Variants in ICA1 observed in about 807,000 individuals in gnomAD.
ICA1 encodes the protein islet cell autoantigen 1.
Under a neutral mutation model 71.0 loss-of-function variants are expected in ICA1, and 40 were observed. The observed-to-expected ratio is 0.56, with a 90% CI of 0.44 to 0.73. ICA1 has a LOEUF of 0.73. Among genes scored for constraint, ICA1 ranks in the 30% least tolerant of loss-of-function variants. ICA1 has a pLI of 0.00. For synonymous variants in ICA1, 207 were observed against 209.5 expected (o/e 0.99, Z 0.10); for missense variants, 578 against 576.5 (o/e 1.00, Z -0.03).
intron 6 of ICA1, among the ~76,000 whole-genome samples, chr7:8,206,319 G>A (rs1332828090): frequency 4.6e-5 from 7 of 151,952 alleles, no homozygotes; most frequent in Non-Finnish European, 1.0e-4. Context: ...GATGGCTTTC[G>A]AAAATGACTT....
intron 6 of ICA1, among the ~76,000 whole-genome samples, chr7:8,184,019 T>C (rs1020616191): frequency 1.1e-4 from 17 of 152,194 alleles, no homozygotes; most frequent in Non-Finnish European, 2.1e-4. Context: ...ATCACTAACA[T>C]AGAAAGTTAC....
Position 8,234,102 on chromosome 7 carries a change from G to C in ICA1, c.18-1347C>G, listed in dbSNP as rs1349053777. On this transcript the variant is annotated intron_variant, in intron 2 of 13. Coordinates refer to ENST00000402384, the MANE Select transcript of ICA1 (RefSeq NM_001136020.3). The surrounding 1 kb of genome is among the most constrained non-coding windows in gnomAD (Gnocchi z 4.5). Reference sequence around the variant, plus strand: ...TGGTGGCACAGGCCTATGACACAAAGCTACTCAGCAGACTGAAGTGGGTGG... The same window carrying C: ...TGGTGGCACAGGCCTATGACACAAACCTACTCAGCAGACTGAAGTGGGTGG... 6.6e-6 allele frequency among the ~76,000 whole-genome samples: 1 copy of C among 152,126 alleles called. No individual in the cohort carries two copies. Among genetic ancestry groups the C allele is most frequent in the Non-Finnish European group, 1.5e-5 (1 of 68,018 alleles).
chr7:8,172,054 A>G (rs971119485), intron 6 of ICA1, among the ~76,000 whole-genome samples: 1 of 152,050 alleles, frequency 6.6e-6, no homozygotes, highest in Admixed American at 6.5e-5. Context: ...TTTCATGTGC[A>G]CTTGAAAAGA....
chr7:8,198,318 T>A (rs1023398101), intron 6 of ICA1, among the ~76,000 whole-genome samples: 1 of 152,228 alleles, frequency 6.6e-6, no homozygotes, highest in Non-Finnish European at 1.5e-5. Flanking sequence ...GGAGACAATA[T>A]GAGCAAAGCA....
At chr7:8,227,230 TTTGA>T (rs1249567703) in intron 4 of ICA1, among the ~76,000 whole-genome samples, 1 of 152,122 alleles carries the variant, frequency 6.6e-6, no homozygotes, top group Admixed American at 6.5e-5. Flanking sequence ...AAAAGTGTAC[TTTGA>T]TTGAAAGCAG....
intron 6 of ICA1, among the ~76,000 whole-genome samples, chr7:8,184,335 C>T (rs1196610893): frequency 1.3e-5 from 2 of 152,150 alleles, no homozygotes; most frequent in African/African-American, 4.8e-5. Context: ...AAGAGGATTA[C>T]AGGAAGGGCA....
rs139634951 is a variant in ICA1, at chr7:8,251,328, G to A, written c.-80+10766C>T. On this transcript the variant is annotated intron_variant, in intron 1 of 13. Coordinates refer to ENST00000402384, the MANE Select transcript of ICA1 (RefSeq NM_001136020.3). The stretch of plus-strand genomic sequence containing the variant: ...CATTCCTAAAGTATGTATTTTGAAG[G>A]TTTCCCAATATGCTCCTTGATATAA... Among the ~76,000 whole-genome samples, 30 of 151,478 alleles carry A rather than the reference G, an allele frequency of 2.0e-4. No individual in the cohort carries two copies. The East Asian group carries it at 4.4e-3, about 22-fold the overall frequency.
At chr7:8,159,819 C>T (rs903066883) in intron 6 of ICA1, among the ~76,000 whole-genome samples, 1 of 152,086 alleles carries the variant, frequency 6.6e-6, no homozygotes, top group Non-Finnish European at 1.5e-5. Context: ...TAGAGAAAAC[C>T]AGCCAATTTT....
chr7:8,136,364 C>G (rs1270870099), intron 12 of ICA1, among the ~76,000 whole-genome samples: 1 of 152,170 alleles, frequency 6.6e-6, no homozygotes, highest in African/African-American at 2.4e-5. Context: ...TATTTCTTGA[C>G]TGTTTAATGT....
chr7:8,141,594 A>C (rs1219876192), intron 10 of ICA1, among the ~76,000 whole-genome samples, 171 bp downstream of exon 10: 1 of 152,218 alleles, frequency 6.6e-6, no homozygotes, highest in Admixed American at 6.5e-5. Context: ...TGTAGGGTTG[A>C]CATGGTGGAT....
chr7:8,240,277 G>C (rs1293201730), intron 1 of ICA1, among the ~76,000 whole-genome samples: 1 of 149,574 alleles, frequency 6.7e-6, no homozygotes, highest in Admixed American at 6.7e-5. Context: ...GGCAAACAGA[G>C]TCTGGAGTGG....
chr7:8,204,362 T>C (rs1232243622), intron 6 of ICA1, among the ~76,000 whole-genome samples: 1 of 152,226 alleles, frequency 6.6e-6, no homozygotes, highest in African/African-American at 2.4e-5. Flanking sequence ...GGCAAGTCAG[T>C]CATGGCTGCC....
rs1481915793 is a variant in ICA1 at position 8,144,545 on chromosome 7, C to T, written c.805-573G>A. Among the ~76,000 whole-genome samples the T allele has an allele frequency of 1.3e-5, 2 of 152,184 alleles. No individual in the cohort carries two copies. The highest frequency in any genetic ancestry group is 2.4e-5 in the African/African-American group (1 of 41,448). On this transcript the variant is annotated intron_variant, in intron 8 of 13. Transcript: ENST00000402384. The surrounding 1 kb of genome is among the most constrained non-coding windows in gnomAD (Gnocchi z 4.5). ...CTCCCACGAGTGGACAGAGCAGGTG[C>T]ATCCAAATCTTTGTAGATTAAAATG...
At chr7:8,218,532 A>G in intron 5 of ICA1, 29 bp from the exon 6 acceptor site, 1 of 1,594,046 alleles carries the variant, frequency 6.3e-7, no homozygotes, top group Non-Finnish European at 8.6e-7. Flanking sequence ...CCACACTCTC[A>G]AAACTAAGCC....
At chr7:8,140,249 T>C (rs1270428009) in intron 10 of ICA1, among the ~76,000 whole-genome samples, 1 of 152,190 alleles carries the variant, frequency 6.6e-6, no homozygotes, top group Admixed American at 6.5e-5. Context: ...CTTGCATCCA[T>C]ATAGACAGAG....
intron 1 of ICA1, among the ~76,000 whole-genome samples, chr7:8,261,800 C>A (rs1375711885): frequency 6.6e-6 from 1 of 152,126 alleles, no homozygotes; most frequent in Non-Finnish European, 1.5e-5. Flanking sequence ...GCGCTGGGGC[C>A]GGAGCGCGGA....
At chr7:8,120,497 A>T (rs995902662) in intron 13 of ICA1, among the ~76,000 whole-genome samples, 3 of 152,158 alleles carry the variant, frequency 2.0e-5, no homozygotes, top group Non-Finnish European at 4.4e-5. Flanking sequence ...TGTTGCTAAT[A>T]TTCCCATAAT....
At chr7:8,156,780 T>A in intron 8 of ICA1, 1 of 1,443,890 alleles carries the variant, frequency 6.9e-7, no homozygotes, top group Non-Finnish European at 9.1e-7. Context: ...CCTTTAGCAA[T>A]GTCAAACAAG....
chr7:8,206,708 G>A (rs1397636399), intron 6 of ICA1, among the ~76,000 whole-genome samples: 5 of 138,830 alleles, frequency 3.6e-5, no homozygotes, highest in South Asian at 4.3e-4. Flanking sequence ...GCTTCTCCTG[G>A]ATCTTTCTCC....
Sources: allele counts gnomAD v4.1 joint callset (sites outside exome capture counted in the v4.1 genomes callset), GRCh38; gene constraint gnomAD v4.1.1; non-coding constraint Gnocchi (gnomAD v3.1); transcripts MANE v1.5; gene names NCBI Gene and HGNC (gene_info 2026-07-23, HGNC 2026-07-21).